The following CSMD1 variants were observed in gnomAD, a reference collection of about 807,000 sequenced individuals.
CSMD1 encodes the protein CUB and sushi domain-containing protein 1.
In CSMD1, 213 loss-of-function variants were observed where a neutral mutation model predicts 417.5. The ratio of observed to expected loss-of-function variants is 0.51; its 90% confidence interval spans 0.46 to 0.57. The LOEUF is 0.57. Ranked by LOEUF, CSMD1 falls within the 20% of genes least tolerant of loss-of-function variation. The pLI is 0.00. For missense variants in CSMD1, 6,923 were observed against 4,529.7 expected, an observed-to-expected ratio of 1.53 and a Z score of -15.17; for synonymous variants, 2,862 against 1,736.8, an observed-to-expected ratio of 1.65 and a Z score of -16.11.
intron 1 of CSMD1, among the ~76,000 whole-genome samples, chr8:4,640,538 C>A (rs1032702134): frequency 1.3e-5 from 2 of 152,070 alleles, no homozygotes; most frequent in African/African-American, 4.8e-5. Flanking sequence ...CTCTAATGGG[C>A]CCTTGCCTAC....
intron 25 of CSMD1, among the ~76,000 whole-genome samples, chr8:3,303,390 G>A (rs149467707): frequency 5.3e-5 from 8 of 152,136 alleles, no homozygotes; most frequent in African/African-American, 9.7e-5. Context: ...TCCAGGTCAG[G>A]ACAGCCAGCA....
chr8:2,938,300 T>G lies in CSMD1; in HGVS notation c.*285A>C, dbSNP rs1801633152. 1 of 349,848 alleles carries G rather than the reference T, an allele frequency of 2.9e-6. No individual in the cohort carries two copies. The highest frequency in any genetic ancestry group is 2.1e-5 in the African/African-American group (1 of 47,478). 21.7% of individuals were successfully genotyped at this position (349,848 alleles called of 1,614,324 possible). On this transcript the variant is annotated 3_prime_UTR_variant, in exon 70 of 70. Transcript: ENST00000635120. ...AAAGTCTGAGGCATTGAGTATGACG[T>G]GTTGGCGCGACGTGGCAGTCTTCCT...
chr8:3,168,609 G>A (rs1820380042), intron 37 of CSMD1, among the ~76,000 whole-genome samples: 1 of 148,778 alleles, frequency 6.7e-6, no homozygotes. Context: ...GTCACAGTGT[G>A]TAAGGAGTCA....
At chr8:4,925,015 G>A (rs111554640) in intron 1 of CSMD1, among the ~76,000 whole-genome samples, 6 of 151,846 alleles carry the variant, frequency 4.0e-5, no homozygotes, top group African/African-American at 9.7e-5. Flanking sequence ...AATATTTCTG[G>A]AATGAATGAG....
intron 54 of CSMD1, 150 bp from the exon 55 acceptor site, chr8:2,978,950 T>C (rs1459447826): frequency 1.4e-6 from 1 of 692,188 alleles, no homozygotes; most frequent in African/African-American, 1.8e-5. Context: ...ACTCTCACGA[T>C]GAATTCTCCG....
At chr8:3,521,729 C>G (rs752236805) in intron 10 of CSMD1, among the ~76,000 whole-genome samples, 1 of 152,116 alleles carries the variant, frequency 6.6e-6, no homozygotes, top group East Asian at 1.9e-4. Flanking sequence ...AACAGTATGC[C>G]TCAAAGATGT....
intron 4 of CSMD1, among the ~76,000 whole-genome samples, chr8:4,019,416 C>T (rs1395835618): frequency 6.6e-6 from 1 of 152,076 alleles, no homozygotes; most frequent in Non-Finnish European, 1.5e-5. Context: ...TTTAGCTTCC[C>T]TATCTTCATG....
At position 4,703,327 on chromosome 8, in the gene CSMD1, C is replaced by T. The variant is rs564696299; in HGVS notation, c.86-65769G>A. 1.8e-4 allele frequency among the ~76,000 whole-genome samples: 27 copies of T among 152,248 alleles called. No individual in the cohort carries two copies. The South Asian group carries it at 3.5e-3, about 20-fold the overall frequency. Reference sequence around the variant, plus strand: ...CTTCTCAGAAAGTTTTTCAAATATACGTCGCTCCACGGACCTTTCTGCAAA... The same window carrying T: ...CTTCTCAGAAAGTTTTTCAAATATATGTCGCTCCACGGACCTTTCTGCAAA... On this transcript the variant is annotated intron_variant, in intron 1 of 69. Transcript: ENST00000635120.
At chr8:3,380,397 C>A (rs940956302) in intron 18 of CSMD1, among the ~76,000 whole-genome samples, 1 of 152,072 alleles carries the variant, frequency 6.6e-6, no homozygotes, top group Admixed American at 6.5e-5. Flanking sequence ...GGGTATGTAC[C>A]CAAAGGATTA....
chr8:4,385,746 C>T (rs892840924), intron 3 of CSMD1, among the ~76,000 whole-genome samples: 1 of 152,116 alleles, frequency 6.6e-6, no homozygotes, highest in Non-Finnish European at 1.5e-5. Flanking sequence ...TTATAAAAAT[C>T]TAAAGAGGAA....
intron 1 of CSMD1, among the ~76,000 whole-genome samples, chr8:4,677,365 G>A (rs191871097): frequency 6.6e-5 from 10 of 151,972 alleles, no homozygotes; most frequent in Non-Finnish European, 8.8e-5. Context: ...ATTTATCTTG[G>A]ATAATGGGAC....
intron 3 of CSMD1, among the ~76,000 whole-genome samples, chr8:4,109,043 G>C (rs1563134761): frequency 1.3e-5 from 2 of 152,126 alleles, no homozygotes; most frequent in Non-Finnish European, 2.9e-5. Context: ...AGATGCTCAA[G>C]TCCGTCATAT....
intron 1 of CSMD1, among the ~76,000 whole-genome samples, chr8:4,785,242 A>C (rs1443076782): frequency 1.3e-5 from 2 of 152,206 alleles, no homozygotes; most frequent in Non-Finnish European, 2.9e-5. Context: ...AGTCTAGAGC[A>C]GTCATGAGGA....
At chr8:3,885,766 C>G (rs1438544177) in intron 5 of CSMD1, among the ~76,000 whole-genome samples, 1 of 152,120 alleles carries the variant, frequency 6.6e-6, no homozygotes, top group Non-Finnish European at 1.5e-5. Context: ...AAACTGGAGT[C>G]AAGTTTATTT....
intron 5 of CSMD1, among the ~76,000 whole-genome samples, chr8:3,935,786 C>T (rs1810453652): frequency 6.6e-6 from 1 of 152,058 alleles, no homozygotes; most frequent in Non-Finnish European, 1.5e-5. Flanking sequence ...AATTAATAAG[C>T]CTACAGTGGC....
intron 1 of CSMD1, among the ~76,000 whole-genome samples, chr8:4,683,322 A>G (rs1395044608): frequency 1.3e-5 from 2 of 152,160 alleles, no homozygotes; most frequent in African/African-American, 4.8e-5. Context: ...TAGTAAATGC[A>G]TTTCCAACTA....
intron 26 of CSMD1, among the ~76,000 whole-genome samples, chr8:3,239,666 G>T (rs1484904839): frequency 6.6e-6 from 1 of 152,240 alleles, no homozygotes; most frequent in Non-Finnish European, 1.5e-5. Context: ...GAAAGGAAAT[G>T]AGAGGTTCTA....
intron 1 of CSMD1, among the ~76,000 whole-genome samples, chr8:4,816,523 C>A (rs147882880): frequency 1.3e-5 from 2 of 152,222 alleles, no homozygotes; most frequent in African/African-American, 4.8e-5. Context: ...CCACCATGCG[C>A]AGCCAAATCA....
At chr8:3,360,487 C>A (rs1396653696) in intron 20 of CSMD1, among the ~76,000 whole-genome samples, 1 of 152,280 alleles carries the variant, frequency 6.6e-6, no homozygotes, top group East Asian at 1.9e-4. Context: ...TGGTTTCCTC[C>A]TTCTTGCTGT....
Sources: gnomAD v4.1 joint callset for allele counts (sites outside exome capture counted in the v4.1 genomes callset) on GRCh38, gnomAD v4.1.1 for gene constraint, MANE v1.5 for transcripts, NCBI Gene and HGNC (gene_info 2026-07-23, HGNC 2026-07-21) for gene names.